PLA2R1: variants seen among roughly 807,000 people sequenced by gnomAD.
The protein encoded by PLA2R1 is secretory phospholipase A2 receptor.
A neutral mutation model predicts 195.9 loss-of-function variants in PLA2R1; 158 were observed. The observed-to-expected ratio is 0.81, with a 90% CI of 0.71 to 0.92. The LOEUF is 0.92. Among genes scored for constraint, PLA2R1 ranks in the 40% least tolerant of loss-of-function variants. The probability of loss-of-function intolerance (pLI) is 0.00; values close to 1 mark genes in which losing one functional copy is unlikely to be tolerated. For missense variants in PLA2R1, 1,626 were observed against 1,764.6 expected, an observed-to-expected ratio of 0.92 and a Z score of 1.41; for synonymous variants, 586 against 598.2, an observed-to-expected ratio of 0.98 and a Z score of 0.30.
intron 3 of PLA2R1, among the ~76,000 whole-genome samples, chr2:160,034,602 G>T (rs1308003623): frequency 1.3e-5 from 2 of 152,176 alleles, no homozygotes; most frequent in Non-Finnish European, 2.9e-5. Context: ...AGACCATGAT[G>T]GGGGAGCGGG....
chr2:159,979,408 G>C (rs1281795042), intron 14 of PLA2R1, among the ~76,000 whole-genome samples: 2 of 152,058 alleles, frequency 1.3e-5, no homozygotes, highest in Non-Finnish European at 1.5e-5. Flanking sequence ...TTCAGAGTGA[G>C]ATAAATGAAA....
rs1693688174 is a variant in PLA2R1, at chr2:160,028,963, T to G, written c.842A>C (p.Glu281Ala). 6.6e-7 allele frequency: 1 copy of G among 1,518,896 alleles called. No homozygotes were observed. Among genetic ancestry groups the G allele is most frequent in the Non-Finnish European group, 9.2e-7 (1 of 1,090,912 alleles). 94.1% of individuals were successfully genotyped at this position (1,518,896 alleles called of 1,614,324 possible). The change falls in exon 5 of 30, where the codon GAG becomes GCG. Residue 281 changes from glutamate to alanine, a missense_variant and splice_region_variant. Transcript: ENST00000283243. The part of the protein sequence containing the change: ...TDETEENFIR[E>A]HMSSKTVEVW... The stretch of plus-strand genomic sequence containing the variant: ...CTCCACTGTTTTACTGCTCATGTGC[T>G]CTGAAATGAAAATTATGGAGCTTCA...
chr2:159,954,810 C>G (rs967782861), intron 23 of PLA2R1, among the ~76,000 whole-genome samples: 4 of 152,072 alleles, frequency 2.6e-5, no homozygotes, highest in Admixed American at 6.6e-5. Context: ...CCACAGAGAC[C>G]ATTTTCAGGG....
chr2:159,929,872 G>GTGTATATA (rs147413130), downstream of PLA2R1, among the ~76,000 whole-genome samples: 5 of 148,170 alleles, frequency 3.4e-5, no homozygotes, highest in Non-Finnish European at 7.4e-5. Flanking sequence ...GTGTGTGTGT[G>GTGTATATA]TATATATATA....
chr2:160,003,192 T>C (rs1381769900), intron 11 of PLA2R1, among the ~76,000 whole-genome samples: 1 of 151,974 alleles, frequency 6.6e-6, no homozygotes, highest in African/African-American at 2.4e-5. Context: ...ACTTTTAAAA[T>C]CTCAGATCAA....
chr2:160,005,656 C>T lies in PLA2R1; in HGVS notation c.1830G>A (p.Gln610=), dbSNP rs2105396387. 1 of 1,613,178 alleles carries T rather than the reference C, an allele frequency of 6.2e-7. No individual in the cohort carries two copies. Among genetic ancestry groups the T allele is most frequent in the Non-Finnish European group, 8.5e-7 (1 of 1,179,428 alleles). The change falls in exon 11 of 30, where the codon CAG becomes CAA. Residue 610 remains glutamine (Q), a synonymous_variant. Coordinates refer to ENST00000283243, the MANE Select transcript of PLA2R1 (RefSeq NM_007366.5). ...PVQYTHWNTH[Q]PRYSGGCVAM... Reference sequence around the variant, plus strand: ...GATGCAGCACACTCTACTCACGCGGCTGGTGTGTGTTCCAGTGTGTGTACT... The same window carrying T: ...GATGCAGCACACTCTACTCACGCGGTTGGTGTGTGTTCCAGTGTGTGTACT...
chr2:159,996,565 A>ATCT (rs1691225288), intron 11 of PLA2R1, among the ~76,000 whole-genome samples: 2 of 152,056 alleles, frequency 1.3e-5, no homozygotes, highest in Admixed American at 6.5e-5. Context: ...AGTTTCCTGG[A>ATCT]TCTGTGGTTT....
chr2:159,993,621 G>C (rs1690994204), intron 11 of PLA2R1, among the ~76,000 whole-genome samples: 1 of 151,940 alleles, frequency 6.6e-6, no homozygotes, highest in South Asian at 2.1e-4. Context: ...GATGCTTCTA[G>C]GTCTGCAGCA....
At chr2:160,027,409 T>A (rs919702233) in intron 6 of PLA2R1, among the ~76,000 whole-genome samples, 4 of 152,186 alleles carry the variant, frequency 2.6e-5, no homozygotes, top group Non-Finnish European at 5.9e-5. Context: ...CCTGAAATAA[T>A]GGAAAAATCT....
rs930031737 is a variant in PLA2R1 at position 159,992,274 on chromosome 2, T to C, written c.1835-4916A>G. Among the ~76,000 whole-genome samples, 40 of 152,196 alleles carry C rather than the reference T, an allele frequency of 2.6e-4. 1 individual carries two copies. The Middle Eastern group carries it at 0.014, about 52-fold the overall frequency. On this transcript the variant is annotated intron_variant, in intron 11 of 29. Coordinates refer to ENST00000283243, the MANE Select transcript of PLA2R1 (RefSeq NM_007366.5). ...TGCATAAATGTCTTCTTTTGAGAAG[T>C]GTCTGTTCATGTCCTTCACCCACTA...
chr2:160,028,031 G>A (rs1693628256), intron 6 of PLA2R1, among the ~76,000 whole-genome samples, 187 bp downstream of exon 6: 1 of 152,110 alleles, frequency 6.6e-6, no homozygotes, highest in Admixed American at 6.5e-5. Flanking sequence ...AAACCTAAAT[G>A]CATTTGTTAA....
chr2:159,947,268 G>T, intron 26 of PLA2R1, 151 bp downstream of exon 26: 1 of 662,674 alleles, frequency 1.5e-6, no homozygotes, highest in Non-Finnish European at 2.4e-6. Context: ...CTCCAAACAA[G>T]CAATTTCAAT....
At chr2:159,951,672 G>T in intron 23 of PLA2R1, 94 bp from the exon 24 acceptor site, 1 of 709,158 alleles carries the variant, frequency 1.4e-6, no homozygotes, top group Non-Finnish European at 2.5e-6. Context: ...TATGATCCAT[G>T]TTGATCAGAG....
intron 1 of PLA2R1, among the ~76,000 whole-genome samples, chr2:160,061,636 G>A (rs72978513): frequency 0.17 from 26,169 of 152,032 alleles, 2,585 homozygotes; most frequent in Admixed American, 0.31. Flanking sequence ...TTTGCTGGGC[G>A]TGCGGGCGCA....
chr2:160,051,972 T>G (rs1271485196), intron 1 of PLA2R1, among the ~76,000 whole-genome samples: 1 of 152,202 alleles, frequency 6.6e-6, no homozygotes, highest in Admixed American at 6.5e-5. Flanking sequence ...GTACATTTTT[T>G]AAAAAACCTC....
intron 4 of PLA2R1, 52 bp downstream of exon 4, chr2:160,032,907 A>C: frequency 1.2e-5 from 15 of 1,247,202 alleles, no homozygotes; most frequent in Admixed American, 2.0e-5. Context: ...GAAAACAGTT[A>C]ACAACCATCT....
chr2:159,988,582 A>T (rs1365683620), intron 11 of PLA2R1, among the ~76,000 whole-genome samples: 1 of 152,216 alleles, frequency 6.6e-6, no homozygotes, highest in African/African-American at 2.4e-5. Context: ...ATTTTGAAGG[A>T]TGAAAAGGAG....
chr2:159,970,543 C>G (rs1176499433), intron 17 of PLA2R1, among the ~76,000 whole-genome samples: 1 of 152,086 alleles, frequency 6.6e-6, no homozygotes, highest in African/African-American at 2.4e-5. Context: ...TTGGCTCATC[C>G]TCTCAGTTAT....
intron 10 of PLA2R1, among the ~76,000 whole-genome samples, chr2:160,007,436 A>G (rs1223150331): frequency 6.6e-6 from 1 of 152,052 alleles, no homozygotes; most frequent in Non-Finnish European, 1.5e-5. Flanking sequence ...CCACACCCCC[A>G]TCCTGTGCTT....
Sources: gnomAD v4.1 joint callset for allele counts (sites outside exome capture counted in the v4.1 genomes callset) on GRCh38, gnomAD v4.1.1 for gene constraint, MANE v1.5 for transcripts, NCBI Gene and HGNC (gene_info 2026-07-23, HGNC 2026-07-21) for gene names.